PCDHA3: variants seen among roughly 807,000 people sequenced by gnomAD.
The protein encoded by PCDHA3 is protocadherin alpha-3.
A neutral mutation model predicts 62.2 loss-of-function variants in PCDHA3; 41 were observed. The observed-to-expected ratio is 0.66, with a 90% CI of 0.51 to 0.86. The LOEUF (loss-of-function observed/expected upper bound fraction) is 0.86. Among genes scored for constraint, PCDHA3 ranks in the 40% least tolerant of loss-of-function variants. The pLI is 0.00. For synonymous variants in PCDHA3, 640 were observed against 555.4 expected (o/e 1.15, Z -2.14); for missense variants, 1,304 against 1,241.2 (o/e 1.05, Z -0.76).
At chr5:140,862,911 G>C (rs781861917) in intron 1 of PCDHA3, 3 of 549,326 alleles carry the variant, frequency 5.5e-6, no homozygotes. Flanking sequence ...CGCTGCTGGC[G>C]CCTTGGGTGG....
Position 140,852,527 on chromosome 5 carries a change from C to T in PCDHA3, c.2394+48936C>T, listed in dbSNP as rs184052538. The T allele has an allele frequency of 1.0e-4, 41 of 393,270 alleles. 2 individuals are homozygous for T. Among genetic ancestry groups the T allele is most frequent in the African/African-American group, 6.6e-4 (30 of 45,558 alleles). 24.4% of individuals were successfully genotyped at this position (393,270 alleles called of 1,614,324 possible). A position where few individuals can be genotyped will look rare whatever the true frequency, so the allele number is the denominator to read the frequency against. On this transcript the variant is annotated intron_variant, in intron 1 of 3. Transcript: ENST00000522353. ...TCCTGACCTTGTGATGCTCCCACCT[C>T]GGCCTCCCAAAGTGCTGGGATTAAA...
chr5:140,972,958 G>C (rs918792607), intron 1 of PCDHA3, among the ~76,000 whole-genome samples: 1 of 152,038 alleles, frequency 6.6e-6, no homozygotes, highest in African/African-American at 2.4e-5. Context: ...CACCATGCCC[G>C]GCAAAGGAAA....
Position 140,854,000 on chromosome 5 carries a change from C to T in PCDHA3, c.2394+50409C>T, listed in dbSNP as rs1437337577. 5 of 352,352 alleles carry T rather than the reference C, an allele frequency of 1.4e-5. No homozygotes were observed. The East Asian group carries it at 8.5e-4, about 60-fold the overall frequency. 21.8% of individuals were successfully genotyped at this position (352,352 alleles called of 1,614,324 possible). ...CCAATGTAGTGAGACTCATCTCTGC[C>T]AAAAAAAAAAAATTAGCCGGGCATG... On this transcript the variant is annotated intron_variant, in intron 1 of 3. Coordinates refer to ENST00000522353, the MANE Select transcript of PCDHA3 (RefSeq NM_018906.3).
chr5:140,916,563 G>A (rs2077621809), intron 1 of PCDHA3, among the ~76,000 whole-genome samples: 1 of 152,198 alleles, frequency 6.6e-6, no homozygotes, highest in African/African-American at 2.4e-5. Context: ...TGTCCAGGGT[G>A]TGTCTAGAAA....
chr5:140,857,738 C>T, intron 1 of PCDHA3: 1 of 1,597,432 alleles, frequency 6.3e-7, no homozygotes, highest in Non-Finnish European at 8.6e-7. Flanking sequence ...CGCTCCCGCG[C>T]TGCTGGCGTC....
chr5:140,882,420 A>C, intron 1 of PCDHA3: 1 of 1,614,046 alleles, frequency 6.2e-7, no homozygotes, highest in East Asian at 2.2e-5. Context: ...ATCGCTCAGG[A>C]CCTGGGGCTG....
intron 1 of PCDHA3, among the ~76,000 whole-genome samples, chr5:140,899,014 T>C (rs2067098044): frequency 6.6e-6 from 1 of 151,934 alleles, no homozygotes. Context: ...TGTATAAGAA[T>C]GCTTGTGATT....
intron 1 of PCDHA3, among the ~76,000 whole-genome samples, chr5:140,971,815 A>G (rs988959952): frequency 3.2e-4 from 49 of 152,166 alleles, no homozygotes; most frequent in African/African-American, 1.1e-3. Flanking sequence ...TATTGAATAC[A>G]TATATGATTT....
At chr5:140,850,468 C>T in intron 1 of PCDHA3, 1 of 1,597,912 alleles carries the variant, frequency 6.3e-7, no homozygotes, top group Non-Finnish European at 8.6e-7. Context: ...GGGGAGCCAG[C>T]GCTGACGGCC....
At chr5:140,984,824 C>A (rs920985683) in intron 3 of PCDHA3, among the ~76,000 whole-genome samples, 1 of 152,098 alleles carries the variant, frequency 6.6e-6, no homozygotes, top group Non-Finnish European at 1.5e-5. Context: ...TCTTAATTAC[C>A]CTTTCTGTAA....
At chr5:140,925,906 G>A (rs1181128933) in intron 1 of PCDHA3, among the ~76,000 whole-genome samples, 1 of 151,830 alleles carries the variant, frequency 6.6e-6, no homozygotes, top group Non-Finnish European at 1.5e-5. Context: ...ATCGTCAAGG[G>A]CCGTTTGCAA....
intron 1 of PCDHA3, among the ~76,000 whole-genome samples, chr5:140,873,019 T>C (rs1453965744): frequency 6.6e-6 from 1 of 152,206 alleles, no homozygotes; most frequent in Non-Finnish European, 1.5e-5. Flanking sequence ...TATTTAGTTA[T>C]TCTTACTACA....
At chr5:140,939,768 G>A (rs1241071492) in intron 1 of PCDHA3, among the ~76,000 whole-genome samples, 1 of 152,162 alleles carries the variant, frequency 6.6e-6, no homozygotes, top group Non-Finnish European at 1.5e-5. Context: ...TAGTATTTCA[G>A]GGTGTGAATG....
chr5:140,821,984 G>A (rs1554128362), intron 1 of PCDHA3: 10 of 1,614,134 alleles, frequency 6.2e-6, no homozygotes, highest in South Asian at 3.3e-5. Flanking sequence ...TCCAAGGGCC[G>A]CGGGGACCTT....
At chr5:140,886,436 T>A (rs1434592910) in intron 1 of PCDHA3, among the ~76,000 whole-genome samples, 2 of 152,158 alleles carry the variant, frequency 1.3e-5, no homozygotes, top group African/African-American at 4.8e-5. Context: ...TATTCATTTG[T>A]TTGTACTAAT....
chr5:140,850,188 C>T (rs2150472267), intron 1 of PCDHA3: 1 of 1,593,702 alleles, frequency 6.3e-7, no homozygotes, highest in Non-Finnish European at 8.6e-7. Flanking sequence ...TGCGCCGGCG[C>T]TGCTGACACC....
intron 3 of PCDHA3, among the ~76,000 whole-genome samples, chr5:141,000,395 CTATATATATA>C (rs1190667031): frequency 1.9e-5 from 1 of 53,986 alleles, no homozygotes; most frequent in Non-Finnish European, 3.2e-5. Context: ...CTCTCTCTCT[CTATATATATA>C]TATATATATA....
intron 1 of PCDHA3, among the ~76,000 whole-genome samples, chr5:140,911,460 G>A (rs1346001317): frequency 1.3e-5 from 2 of 152,140 alleles, no homozygotes; most frequent in African/African-American, 4.8e-5. Context: ...TTTCTCTACA[G>A]GAGATAAGAC....
intron 1 of PCDHA3, among the ~76,000 whole-genome samples, chr5:140,818,185 G>C (rs1766299277): frequency 1.3e-5 from 2 of 152,054 alleles, no homozygotes; most frequent in Non-Finnish European, 2.9e-5. Context: ...ATTCTTCTGT[G>C]ACTATAAGTA....
Sources: gnomAD v4.1 joint callset for allele counts (sites outside exome capture counted in the v4.1 genomes callset) on GRCh38, gnomAD v4.1.1 for gene constraint, MANE v1.5 for transcripts, NCBI Gene and HGNC (gene_info 2026-07-23, HGNC 2026-07-21) for gene names.